The following PLXDC2 variants were observed in gnomAD, a reference collection of about 807,000 sequenced individuals.
PLXDC2 encodes plexin domain-containing protein 2.
Under a neutral mutation model 68.9 loss-of-function variants are expected in PLXDC2, and 40 were observed. That is an observed-to-expected ratio of 0.58 (90% CI 0.45 to 0.76). The LOEUF (loss-of-function observed/expected upper bound fraction) is 0.76, where lower values mean the gene tolerates loss of function less well. Among genes scored for constraint, PLXDC2 ranks in the 30% least tolerant of loss-of-function variants. The pLI is 0.00. For missense variants in PLXDC2, 644 were observed against 661.9 expected (o/e 0.97, Z 0.30); for synonymous variants, 243 against 234.2 (o/e 1.04, Z -0.34).
chr10:20,148,890 C>T (rs528384872), intron 6 of PLXDC2, among the ~76,000 whole-genome samples: 42 of 152,252 alleles, frequency 2.8e-4, no homozygotes, highest in African/African-American at 6.0e-4. Flanking sequence ...CCATAAAGTG[C>T]GGCATAATTT....
At chr10:20,009,135 T>A (rs1246700990) in intron 2 of PLXDC2, among the ~76,000 whole-genome samples, 1 of 152,202 alleles carries the variant, frequency 6.6e-6, no homozygotes, top group African/African-American at 2.4e-5. Flanking sequence ...TGAATGTAAC[T>A]ATAAAGGAGT....
intron 1 of PLXDC2, among the ~76,000 whole-genome samples, chr10:19,968,594 T>A (rs1282524513): frequency 6.6e-6 from 1 of 152,188 alleles, no homozygotes; most frequent in Non-Finnish European, 1.5e-5. Flanking sequence ...AATATAGGCA[T>A]GAGCCACCGC....
intron 1 of PLXDC2, among the ~76,000 whole-genome samples, chr10:19,944,324 A>G (rs1244916321): frequency 6.6e-6 from 1 of 151,998 alleles, no homozygotes; most frequent in Non-Finnish European, 1.5e-5. Context: ...TCTTCAGAGT[A>G]TATATGAATT....
intron 9 of PLXDC2, among the ~76,000 whole-genome samples, chr10:20,186,069 A>G (rs576231573): frequency 2.0e-5 from 3 of 152,112 alleles, no homozygotes; most frequent in East Asian, 3.9e-4. Flanking sequence ...CTTTCACTAT[A>G]TAAGTTGAAT....
chr10:20,177,835 A>G (rs557813480), intron 9 of PLXDC2, among the ~76,000 whole-genome samples: 11 of 152,282 alleles, frequency 7.2e-5, no homozygotes, highest in African/African-American at 2.6e-4. Flanking sequence ...TATAAAATAT[A>G]TAGATATCAT....
intron 2 of PLXDC2, among the ~76,000 whole-genome samples, chr10:20,021,924 C>G (rs1257724559): frequency 6.6e-6 from 1 of 152,154 alleles, no homozygotes; most frequent in Non-Finnish European, 1.5e-5. Context: ...GTCTCGAACT[C>G]CTGACCTCGT....
chr10:19,969,617 C>T (rs1834316539), intron 1 of PLXDC2, among the ~76,000 whole-genome samples: 1 of 152,148 alleles, frequency 6.6e-6, no homozygotes, highest in African/African-American at 2.4e-5. Flanking sequence ...TGGGGAAAAA[C>T]GAATAGCTTA....
chr10:20,166,370 A>G (rs1334871160), intron 7 of PLXDC2, among the ~76,000 whole-genome samples: 3 of 152,134 alleles, frequency 2.0e-5, no homozygotes, highest in Admixed American at 2.0e-4. Flanking sequence ...GAATTGTTAA[A>G]TCAAAGCAGG....
chr10:19,965,686 C>T (rs1834235261), intron 1 of PLXDC2, among the ~76,000 whole-genome samples: 1 of 145,270 alleles, frequency 6.9e-6, no homozygotes, highest in African/African-American at 2.6e-5. Flanking sequence ...TCTGCAGGAG[C>T]ACAGCAGATT....
intron 1 of PLXDC2, among the ~76,000 whole-genome samples, chr10:19,849,370 A>G (rs1003230759): frequency 6.6e-6 from 1 of 152,138 alleles, no homozygotes; most frequent in Non-Finnish European, 1.5e-5. Flanking sequence ...ACTTAATTCT[A>G]CAAAATGAAA....
chr10:20,133,539 C>T (rs1197071236), intron 4 of PLXDC2, among the ~76,000 whole-genome samples: 4 of 152,136 alleles, frequency 2.6e-5, no homozygotes, highest in Non-Finnish European at 5.9e-5. Flanking sequence ...CTCTTTTGCC[C>T]TATAAGGTTC....
intron 1 of PLXDC2, among the ~76,000 whole-genome samples, chr10:19,834,881 T>TC (rs1836762376): frequency 6.6e-6 from 1 of 152,042 alleles, no homozygotes; most frequent in Non-Finnish European, 1.5e-5. Flanking sequence ...GATGTGTGTA[T>TC]ATATGTGTGT....
At chr10:19,987,393 G>C (rs1177443301) in intron 1 of PLXDC2, among the ~76,000 whole-genome samples, 1 of 151,848 alleles carries the variant, frequency 6.6e-6, no homozygotes, top group Non-Finnish European at 1.5e-5. Flanking sequence ...GCATCCCGCC[G>C]TCCCAGAACA....
At chr10:20,014,213 C>T (rs1332095424) in intron 2 of PLXDC2, among the ~76,000 whole-genome samples, 7 of 147,768 alleles carry the variant, frequency 4.7e-5, no homozygotes, top group Admixed American at 2.7e-4. Context: ...TCCTTCCTTC[C>T]TTCCTTCCCT....
intron 4 of PLXDC2, among the ~76,000 whole-genome samples, chr10:20,082,366 T>A (rs1029517565): frequency 6.6e-6 from 1 of 151,958 alleles, no homozygotes; most frequent in Non-Finnish European, 1.5e-5. Context: ...GTGTGGAGTA[T>A]ATGGGAGGCC....
At chr10:19,882,952 C>T (rs142777887) in intron 1 of PLXDC2, among the ~76,000 whole-genome samples, 45,455 of 138,108 alleles carry the variant, frequency 0.33, 7,564 homozygotes, top group Middle Eastern at 0.43. Flanking sequence ...TTTTTTTTTT[C>T]CTTTCTTTCT....
At chr10:19,897,430 A>G (rs1838078647) in intron 1 of PLXDC2, among the ~76,000 whole-genome samples, 1 of 151,780 alleles carries the variant, frequency 6.6e-6, no homozygotes, top group Non-Finnish European at 1.5e-5. Flanking sequence ...TTTTTAGTAG[A>G]GAGGGGGTTT....
chr10:20,200,424 A>G (rs1335568532), intron 9 of PLXDC2, among the ~76,000 whole-genome samples: 2 of 152,116 alleles, frequency 1.3e-5, no homozygotes, highest in African/African-American at 4.8e-5. Context: ...AAGGGTTAAA[A>G]TGACATAAGT....
intron 1 of PLXDC2, among the ~76,000 whole-genome samples, chr10:19,947,215 G>A (rs985740777): frequency 6.6e-6 from 1 of 152,108 alleles, no homozygotes; most frequent in African/African-American, 2.4e-5. Flanking sequence ...CAGCCCTATG[G>A]AAACTTTGAT....
Sources: gnomAD v4.1 joint callset for allele counts (sites outside exome capture counted in the v4.1 genomes callset) on GRCh38, gnomAD v4.1.1 for gene constraint, MANE v1.5 for transcripts, NCBI Gene and HGNC (gene_info 2026-07-23, HGNC 2026-07-21) for gene names.